The following CDK14 variants were observed in gnomAD, a reference collection of about 807,000 sequenced individuals.
CDK14 encodes cyclin dependent kinase 14.
In CDK14, 34 loss-of-function variants were observed where a neutral mutation model predicts 60.7. That is an observed-to-expected ratio of 0.56 (90% confidence interval 0.43 to 0.75). The LOEUF is 0.75. Among genes scored for constraint, CDK14 ranks in the 30% least tolerant of loss-of-function variants. The pLI is 0.00. For missense variants in CDK14, 482 were observed against 564.1 expected, an observed-to-expected ratio of 0.85 and a Z score of 1.47; for synonymous variants, 197 against 203.7, an observed-to-expected ratio of 0.97 and a Z score of 0.28.
intron 12 of CDK14, among the ~76,000 whole-genome samples, chr7:91,105,529 G>A (rs1215823629): frequency 1.3e-5 from 2 of 152,162 alleles, no homozygotes; most frequent in African/African-American, 4.8e-5. Context: ...AGAACTTGGA[G>A]TACCCATGTA....
intron 8 of CDK14, among the ~76,000 whole-genome samples, chr7:90,941,436 T>C (rs1793928893): frequency 6.6e-6 from 1 of 151,706 alleles, no homozygotes; most frequent in Non-Finnish European, 1.5e-5. Flanking sequence ...TGGGCCCTGG[T>C]TATTTGTTTA....
intron 4 of CDK14, among the ~76,000 whole-genome samples, chr7:90,787,475 G>A (rs1371806105): frequency 6.6e-6 from 1 of 151,998 alleles, no homozygotes; most frequent in African/African-American, 2.4e-5. Flanking sequence ...ATAAAATGTT[G>A]GTATTTTTGA....
chr7:90,939,162 A>G (rs186166506), intron 8 of CDK14, among the ~76,000 whole-genome samples: 76 of 152,362 alleles, frequency 5.0e-4, no homozygotes, highest in African/African-American at 1.6e-3. Context: ...CTAAATTTCA[A>G]GTATCTTCAG....
At chr7:91,178,626 C>A (rs1323930028) in intron 14 of CDK14, among the ~76,000 whole-genome samples, 1 of 151,836 alleles carries the variant, frequency 6.6e-6, no homozygotes, top group Non-Finnish European at 1.5e-5. Flanking sequence ...AAAAAAACAA[C>A]CCCATCAAAA....
chr7:91,203,571 G>A (rs1355554781), intron 14 of CDK14, among the ~76,000 whole-genome samples: 1 of 152,192 alleles, frequency 6.6e-6, no homozygotes, highest in Non-Finnish European at 1.5e-5. Context: ...TAAAAGAGGA[G>A]AGAGCCAGGA....
At chr7:90,863,829 T>G (rs1453223127) in intron 6 of CDK14, among the ~76,000 whole-genome samples, 2 of 152,026 alleles carry the variant, frequency 1.3e-5, no homozygotes, top group Non-Finnish European at 2.9e-5. Context: ...TATGTGAGAG[T>G]ATTATTGCTA....
chr7:91,018,285 T>TCATA (rs1338694464), intron 10 of CDK14, among the ~76,000 whole-genome samples: 1 of 152,172 alleles, frequency 6.6e-6, no homozygotes, highest in African/African-American at 2.4e-5. Flanking sequence ...CTGACCCTTG[T>TCATA]CTGTATCATG....
intron 7 of CDK14, among the ~76,000 whole-genome samples, chr7:90,902,356 A>G (rs776346730): frequency 2.0e-5 from 3 of 152,170 alleles, no homozygotes; most frequent in Non-Finnish European, 4.4e-5. Context: ...CTACAAAGCT[A>G]TAGTAACGAA....
chr7:90,642,803 C>T (rs948624383), intron 2 of CDK14, among the ~76,000 whole-genome samples: 3 of 152,130 alleles, frequency 2.0e-5, no homozygotes, highest in Middle Eastern at 3.4e-3. Context: ...CCACAGTAAA[C>T]GTTTAAAGGT....
At chr7:91,067,354 G>A (rs1798011094) in intron 11 of CDK14, among the ~76,000 whole-genome samples, 2 of 152,238 alleles carry the variant, frequency 1.3e-5, no homozygotes, top group South Asian at 2.1e-4. Context: ...TACTTTGGCA[G>A]TTATGATCTG....
At chr7:91,015,518 T>TG (rs1796274673) in intron 10 of CDK14, among the ~76,000 whole-genome samples, 1 of 127,096 alleles carries the variant, frequency 7.9e-6, no homozygotes, top group African/African-American at 2.9e-5. Flanking sequence ...GAGTATGTCT[T>TG]GGGTTTTTTT....
intron 9 of CDK14, among the ~76,000 whole-genome samples, chr7:90,980,473 G>A (rs559587147): frequency 1.3e-5 from 2 of 152,236 alleles, no homozygotes; most frequent in Non-Finnish European, 2.9e-5. Context: ...GAGAGAGGGA[G>A]CATGGGGCTA....
chr7:90,937,578 A>G (rs568919563), intron 8 of CDK14, among the ~76,000 whole-genome samples: 120 of 152,354 alleles, frequency 7.9e-4, no homozygotes, highest in Non-Finnish European at 1.3e-3. Flanking sequence ...AAAATGCTGC[A>G]TAGAAAACAA....
At chr7:90,844,365 TG>T (rs1431660836) in intron 5 of CDK14, among the ~76,000 whole-genome samples, 2 of 152,146 alleles carry the variant, frequency 1.3e-5, no homozygotes, top group Non-Finnish European at 2.9e-5. Flanking sequence ...GTCTACAAAA[TG>T]TAGGGTTTGG....
intron 11 of CDK14, among the ~76,000 whole-genome samples, chr7:91,051,055 A>G (rs925138639): frequency 6.6e-6 from 1 of 152,222 alleles, no homozygotes; most frequent in Non-Finnish European, 1.5e-5. Context: ...TAAAAAGCAG[A>G]AAAGTAGAGA....
At chr7:91,072,290 G>T (rs1798171308) in intron 11 of CDK14, among the ~76,000 whole-genome samples, 1 of 152,154 alleles carries the variant, frequency 6.6e-6, no homozygotes, top group Admixed American at 6.5e-5. Flanking sequence ...GCCCCTTGAG[G>T]TCAGATATCT....
At chr7:91,159,018 A>G (rs1310043378) in intron 14 of CDK14, among the ~76,000 whole-genome samples, 1 of 152,250 alleles carries the variant, frequency 6.6e-6, no homozygotes, top group Non-Finnish European at 1.5e-5. Context: ...GTCTATTTCA[A>G]TGTTGTGCTT....
At chr7:90,995,163 A>G (rs1253347801) in intron 10 of CDK14, among the ~76,000 whole-genome samples, 4 of 152,116 alleles carry the variant, frequency 2.6e-5, no homozygotes. Context: ...AGGTGACAAA[A>G]TGATTGTTAC....
chr7:91,047,030 A>G (rs542784136), intron 11 of CDK14, among the ~76,000 whole-genome samples: 1 of 152,298 alleles, frequency 6.6e-6, no homozygotes, highest in South Asian at 2.1e-4. Flanking sequence ...TGGAAATTCT[A>G]AATAACTTCT....
Sources: allele counts gnomAD v4.1 joint callset (sites outside exome capture counted in the v4.1 genomes callset), GRCh38; gene constraint gnomAD v4.1.1; transcripts MANE v1.5; gene names NCBI Gene and HGNC (gene_info 2026-07-23, HGNC 2026-07-21).